The following KPNA5 variants were observed in gnomAD, a reference collection of about 807,000 sequenced individuals.
The protein encoded by KPNA5 is importin subunit alpha-6.
In KPNA5, 46 loss-of-function variants were observed where a neutral mutation model predicts 71.3. The ratio of observed to expected loss-of-function variants is 0.65; its 90% CI spans 0.51 to 0.83. The LOEUF is 0.83. KPNA5 is among the 40% of genes least tolerant of loss of function. The pLI is 0.00. For missense variants in KPNA5, 547 were observed against 628.3 expected (o/e 0.87, Z 1.38); for synonymous variants, 207 against 201.4 (o/e 1.03, Z -0.24).
intron 1 of KPNA5, chr6:116,681,589 A>G: frequency 2.5e-6 from 3 of 1,189,838 alleles, no homozygotes; most frequent in Non-Finnish European, 1.1e-6. Flanking sequence ...CTCTGGAGTG[A>G]TGGGCAGCTG....
Position 116,739,074 on chromosome 6 carries a change from A to G in KPNA5, c.*6751A>G, listed in dbSNP as rs1435226416. ...AGGAAATCAAATTGTCCCTGTTTGCAGATGACATGATTGTATATCTAGAAA... is the reference window on the plus strand; with the variant it reads ...AGGAAATCAAATTGTCCCTGTTTGCGGATGACATGATTGTATATCTAGAAA... On this transcript the variant is annotated 3_prime_UTR_variant, in exon 14 of 14. Transcript: ENST00000368564. The G allele has an allele frequency of 2.0e-5, 3 of 152,138 alleles. No individual in the cohort carries two copies. The highest frequency in any genetic ancestry group is 7.2e-5 in the African/African-American group (3 of 41,430). The allele number at this position is 152,138 out of a possible 1,614,324, so 9.4% of individuals were successfully genotyped here.
Position 116,734,547 on chromosome 6 carries a change from A to C in KPNA5, c.*2224A>C, listed in dbSNP as rs1215103216. The C allele has an allele frequency of 6.6e-6, 1 of 151,666 alleles. No homozygotes were observed. Among genetic ancestry groups the C allele is most frequent in the Non-Finnish European group, 1.5e-5 (1 of 67,712 alleles). 9.4% of individuals were successfully genotyped at this position (151,666 alleles called of 1,614,324 possible). ...AATTTTAGATTTGATTGCAAAGAGC[A>C]CTGTATAGCAGTTGGGACCAGCTCT... is the stretch of plus-strand genomic sequence containing the variant. On this transcript the variant is annotated 3_prime_UTR_variant, in exon 14 of 14. Transcript: ENST00000368564.
chr6:116,707,862 C>G (rs1350075707), intron 7 of KPNA5, among the ~76,000 whole-genome samples: 1 of 152,090 alleles, frequency 6.6e-6, no homozygotes, highest in Non-Finnish European at 1.5e-5. Flanking sequence ...CTATCTAGTT[C>G]CAGAATTTTT....
intron 1 of KPNA5, among the ~76,000 whole-genome samples, chr6:116,682,493 C>G (rs1162034654): frequency 6.6e-6 from 1 of 152,152 alleles, no homozygotes; most frequent in Non-Finnish European, 1.5e-5. Flanking sequence ...AGGAGCAACT[C>G]TCTCCCTCCG....
chr6:116,719,243 CTTTGTTTCTTTGTGCTTTT>C (rs1277939293), intron 8 of KPNA5, among the ~76,000 whole-genome samples: 2 of 152,064 alleles, frequency 1.3e-5, no homozygotes, highest in African/African-American at 4.8e-5. Flanking sequence ...TTTTTGGCAT[CTTTGTTTCTTTGTGCTTTT>C]TTTGTTTTGT....
intron 7 of KPNA5, among the ~76,000 whole-genome samples, chr6:116,708,895 C>T (rs995740935): frequency 1.3e-5 from 2 of 152,118 alleles, no homozygotes; most frequent in African/African-American, 4.8e-5. Flanking sequence ...AAGCGATGCT[C>T]GTGCCTCAGC....
At chr6:116,691,764 C>G (rs1403450633) in intron 2 of KPNA5, among the ~76,000 whole-genome samples, 2 of 152,096 alleles carry the variant, frequency 1.3e-5, no homozygotes, top group African/African-American at 4.8e-5. Context: ...TTTTTAAGTG[C>G]TATAAAATGA....
chr6:116,698,729 T>G lies in KPNA5; in HGVS notation c.366T>G (p.Val122=). The part of the protein sequence containing the change: ...SKEPNPPIDQ[V]IQKPGVVQRF... ...AACCTAATCCACCAATAGATCAAGT[T>G]ATACAGAAACCAGGAGTTGTACAGA... The change falls in exon 5 of 14, where the codon GTT becomes GTG. Residue 122 remains valine, a synonymous_variant. Coordinates refer to ENST00000368564, the MANE Select transcript of KPNA5 (RefSeq NM_001366306.2). The G allele has an allele frequency of 1.3e-6, 2 of 1,596,436 alleles. No homozygotes were observed. The highest frequency in any genetic ancestry group is 1.7e-6 in the Non-Finnish European group (2 of 1,171,678).
intron 6 of KPNA5, among the ~76,000 whole-genome samples, chr6:116,703,319 A>G (rs375943007): frequency 6.6e-5 from 10 of 151,762 alleles, no homozygotes; most frequent in East Asian, 1.9e-4. Context: ...CTGGAATGCA[A>G]TGGCGCGATC....
At chr6:116,701,987 T>G (rs1778247669) in intron 5 of KPNA5, 32 bp from the exon 6 acceptor site, 1 of 1,594,690 alleles carries the variant, frequency 6.3e-7, no homozygotes. Context: ...TCTTTGGTTC[T>G]TTCATTTATT....
intron 5 of KPNA5, among the ~76,000 whole-genome samples, chr6:116,700,483 AAC>A (rs1200670674): frequency 6.2e-5 from 9 of 145,386 alleles, no homozygotes; most frequent in Non-Finnish European, 1.1e-4. Flanking sequence ...CAAACAAACA[AAC>A]ACACACACAC....
chr6:116,721,413 A>G (rs1164172151), intron 8 of KPNA5, among the ~76,000 whole-genome samples: 1 of 152,058 alleles, frequency 6.6e-6, no homozygotes, highest in East Asian at 1.9e-4. Context: ...TCGGCCTCCC[A>G]AAGTGCTGAG....
rs1779587506 is a variant in KPNA5 at position 116,734,067 on chromosome 6, A to G, written c.*1744A>G. Reference sequence around the variant, plus strand: ...CCTTTTTTCGTAGTGGAAGGTATATAGCCGAGTATAAAATGGTTTTCTTTT... The same window carrying G: ...CCTTTTTTCGTAGTGGAAGGTATATGGCCGAGTATAAAATGGTTTTCTTTT... On this transcript the variant is annotated 3_prime_UTR_variant, in exon 14 of 14. Coordinates refer to ENST00000368564, the MANE Select transcript of KPNA5 (RefSeq NM_001366306.2). 6.6e-6 allele frequency: 1 copy of G among 151,714 alleles called. No individual in the cohort carries two copies. Among genetic ancestry groups the G allele is most frequent in the Non-Finnish European group, 1.5e-5 (1 of 67,740 alleles). 9.4% of individuals were successfully genotyped at this position (151,714 alleles called of 1,614,324 possible).
Position 116,738,069 on chromosome 6 carries a change from T to A in KPNA5, c.*5746T>A, listed in dbSNP as rs1583457076. 1.3e-5 allele frequency: 2 copies of A among 151,986 alleles called. No homozygotes were observed. The highest frequency in any genetic ancestry group is 1.3e-4 in the Admixed American group (2 of 15,204). 9.4% of individuals were successfully genotyped at this position (151,986 alleles called of 1,614,324 possible). ...AGTATTTTAAAGTTTATATTATGATTTATTCGTGACCTATGAAAATTGACA... is the reference window on the plus strand; with the variant it reads ...AGTATTTTAAAGTTTATATTATGATATATTCGTGACCTATGAAAATTGACA... On this transcript the variant is annotated 3_prime_UTR_variant, in exon 14 of 14. Coordinates refer to ENST00000368564, the MANE Select transcript of KPNA5 (RefSeq NM_001366306.2).
intron 5 of KPNA5, 38 bp downstream of exon 5, chr6:116,698,836 A>T (rs760939736): frequency 8.1e-7 from 1 of 1,229,280 alleles, no homozygotes; most frequent in Non-Finnish European, 1.1e-6. Flanking sequence ...TTTCTCTAGA[A>T]ATGACATGTT....
chr6:116,704,525 C>T (rs986279170), intron 6 of KPNA5, among the ~76,000 whole-genome samples: 5 of 152,160 alleles, frequency 3.3e-5, no homozygotes, highest in Admixed American at 6.5e-5. Context: ...TTTGTCTCTC[C>T]ATGTAAATTC....
At chr6:116,706,044 A>G (rs1012460705) in intron 7 of KPNA5, among the ~76,000 whole-genome samples, 19 of 152,206 alleles carry the variant, frequency 1.2e-4, no homozygotes, top group African/African-American at 4.3e-4. Context: ...GTCCATAGTA[A>G]TTGAGAATTT....
At chr6:116,729,489 C>G in intron 12 of KPNA5, 74 bp from the exon 13 acceptor site, 1 of 928,438 alleles carries the variant, frequency 1.1e-6, no homozygotes, top group Non-Finnish European at 1.5e-6. Flanking sequence ...ATTTTTGTGT[C>G]ATTGTTACAA....
At chr6:116,714,382 C>T (rs1196093746) in intron 7 of KPNA5, among the ~76,000 whole-genome samples, 1 of 152,302 alleles carries the variant, frequency 6.6e-6, no homozygotes, top group Middle Eastern at 3.4e-3. Context: ...AGAAAAGTCT[C>T]CAGGTTTTTA....
Sources: gnomAD v4.1 joint callset for allele counts (sites outside exome capture counted in the v4.1 genomes callset) on GRCh38, gnomAD v4.1.1 for gene constraint, MANE v1.5 for transcripts, NCBI Gene and HGNC (gene_info 2026-07-23, HGNC 2026-07-21) for gene names.